ASIC2: variants seen among roughly 807,000 people sequenced by gnomAD.
ASIC2 encodes acid-sensing ion channel 2.
Under a neutral mutation model 57.3 loss-of-function variants are expected in ASIC2, and 25 were observed. The observed-to-expected ratio is 0.44, with a 90% CI of 0.32 to 0.61. The LOEUF is 0.61. Among genes scored for constraint, ASIC2 ranks in the 20% least tolerant of loss-of-function variants. The pLI, the probability that ASIC2 is intolerant of heterozygous loss-of-function variation, is 0.06. For synonymous variants in ASIC2, 319 were observed against 307.5 expected (o/e 1.04, Z -0.39); for missense variants, 641 against 738.1 (o/e 0.87, Z 1.52).
At chr17:34,021,328 T>C (rs761118203) in intron 1 of ASIC2, among the ~76,000 whole-genome samples, 18 of 152,162 alleles carry the variant, frequency 1.2e-4, no homozygotes, top group Admixed American at 2.6e-4. Flanking sequence ...GCATAAGTAC[T>C]AGACTTCAAT....
At chr17:33,579,626 A>G (rs1204585558) in intron 1 of ASIC2, among the ~76,000 whole-genome samples, 1 of 152,156 alleles carries the variant, frequency 6.6e-6, no homozygotes, top group Non-Finnish European at 1.5e-5. Context: ...TCAGGTGTTC[A>G]GCTGCGTCTG....
chr17:34,111,007 T>G (rs1911253754), intron 1 of ASIC2, among the ~76,000 whole-genome samples: 1 of 152,118 alleles, frequency 6.6e-6, no homozygotes, highest in Admixed American at 6.6e-5. Flanking sequence ...GTGGATCACT[T>G]GAGGTCAGGA....
intron 1 of ASIC2, chr17:34,003,278 A>G (rs879805542): frequency 1.3e-5 from 2 of 152,220 alleles, no homozygotes; most frequent in Non-Finnish European, 2.9e-5. Flanking sequence ...CAGTTTTCTC[A>G]TTCATAAGAT....
intron 1 of ASIC2, among the ~76,000 whole-genome samples, chr17:33,282,635 C>A (rs914569871): frequency 6.6e-6 from 1 of 152,052 alleles, no homozygotes; most frequent in African/African-American, 2.4e-5. Context: ...CCATCAGACC[C>A]GACTAATTTT....
At chr17:33,799,479 CTTCT>C (rs1327041206) in intron 1 of ASIC2, among the ~76,000 whole-genome samples, 6 of 40,898 alleles carry the variant, frequency 1.5e-4, no homozygotes, top group Middle Eastern at 0.021. Flanking sequence ...TCTTTCTTTC[CTTCT>C]TTCTTTCTTT....
At chr17:33,938,942 T>C (rs1017052088) in intron 1 of ASIC2, among the ~76,000 whole-genome samples, 1 of 152,228 alleles carries the variant, frequency 6.6e-6, no homozygotes, top group African/African-American at 2.4e-5. Context: ...CTCTCCCCAT[T>C]GACCGGGGTC....
At chr17:33,196,710 C>T (rs1319535606) in intron 1 of ASIC2, among the ~76,000 whole-genome samples, 1 of 152,194 alleles carries the variant, frequency 6.6e-6, no homozygotes, top group African/African-American at 2.4e-5. Flanking sequence ...CCCCTCTGGG[C>T]TTGAGACAGA....
chr17:33,980,461 T>C (rs768698713), intron 1 of ASIC2, among the ~76,000 whole-genome samples: 1 of 151,820 alleles, frequency 6.6e-6, no homozygotes, highest in Non-Finnish European at 1.5e-5. Flanking sequence ...GTGAAAGAAG[T>C]GAAAGAATGG....
chr17:33,622,328 G>T (rs1905827841), intron 1 of ASIC2, among the ~76,000 whole-genome samples: 1 of 152,118 alleles, frequency 6.6e-6, no homozygotes, highest in Admixed American at 6.5e-5. Context: ...CTTCTGTCGG[G>T]ACTAGGCTTT....
At chr17:33,077,171 G>A (rs1208694993) in intron 3 of ASIC2, among the ~76,000 whole-genome samples, 1 of 151,854 alleles carries the variant, frequency 6.6e-6, no homozygotes, top group Non-Finnish European at 1.5e-5. Context: ...GCAGACCTTG[G>A]CCCAAGGCCA....
intron 1 of ASIC2, among the ~76,000 whole-genome samples, chr17:33,653,050 GATA>G (rs1469936346): frequency 6.6e-6 from 1 of 152,192 alleles, no homozygotes; most frequent in Non-Finnish European, 1.5e-5. Flanking sequence ...TTCTAAAAAA[GATA>G]ATAATATATT....
At chr17:33,852,240 A>G (rs317412) in intron 1 of ASIC2, among the ~76,000 whole-genome samples, 49,419 of 152,126 alleles carry the variant, frequency 0.32, 8,545 homozygotes, top group East Asian at 0.48. Context: ...CCTTTTACCA[A>G]AGCAGTTCAC....
intron 1 of ASIC2, among the ~76,000 whole-genome samples, chr17:33,274,705 A>C (rs911478664): frequency 2.0e-5 from 3 of 152,200 alleles, no homozygotes; most frequent in Non-Finnish European, 4.4e-5. Flanking sequence ...AGCATTAAAA[A>C]ACAAAATTTC....
At chr17:33,273,759 C>T (rs185641518) in intron 1 of ASIC2, among the ~76,000 whole-genome samples, 22 of 152,150 alleles carry the variant, frequency 1.4e-4, no homozygotes, top group Non-Finnish European at 2.2e-4. Context: ...CCCAAGGTCA[C>T]GCTCAGTGAA....
chr17:33,379,598 C>T (rs1909405856), intron 1 of ASIC2, among the ~76,000 whole-genome samples: 1 of 152,212 alleles, frequency 6.6e-6, no homozygotes, highest in Admixed American at 6.5e-5. Context: ...GCACCTTGTG[C>T]TGATCCTTTA....
intron 1 of ASIC2, among the ~76,000 whole-genome samples, chr17:33,804,177 C>T (rs541577684): frequency 6.6e-6 from 1 of 152,264 alleles, no homozygotes; most frequent in Admixed American, 6.5e-5. Context: ...GCAAATGTGT[C>T]GGGGAGCTCC....
intron 3 of ASIC2, among the ~76,000 whole-genome samples, chr17:33,067,784 C>T (rs183761513): frequency 7.9e-5 from 12 of 152,278 alleles, no homozygotes; most frequent in Admixed American, 7.2e-4. Flanking sequence ...GAAGTGAATC[C>T]TCATGGCTAA....
At chr17:33,195,888 G>C (rs1906607013) in intron 1 of ASIC2, among the ~76,000 whole-genome samples, 1 of 152,150 alleles carries the variant, frequency 6.6e-6, no homozygotes, top group Admixed American at 6.5e-5. Context: ...GGTGAGTCTG[G>C]ATCATCAAGG....
intron 1 of ASIC2, among the ~76,000 whole-genome samples, chr17:33,644,204 T>G (rs1221224782): frequency 6.6e-6 from 1 of 152,188 alleles, no homozygotes; most frequent in Non-Finnish European, 1.5e-5. Context: ...ATCTTATATT[T>G]TATGTGTTAA....
Sources: allele counts gnomAD v4.1 joint callset (sites outside exome capture counted in the v4.1 genomes callset), GRCh38; gene constraint gnomAD v4.1.1; transcripts MANE v1.5; gene names NCBI Gene and HGNC (gene_info 2026-07-23, HGNC 2026-07-21).